ZBTB21: variants seen among roughly 807,000 people sequenced by gnomAD.
ZBTB21 encodes the protein zinc finger and BTB domain containing 21, also known as zinc finger and BTB domain-containing protein 21.
In ZBTB21, 10 loss-of-function variants were observed where a neutral mutation model predicts 39.8. The observed-to-expected ratio is 0.25, with a 90% CI of 0.16 to 0.43. The LOEUF (loss-of-function observed/expected upper bound fraction) is 0.43, where lower values mean the gene tolerates loss of function less well. Among genes scored for constraint, ZBTB21 ranks in the 20% least tolerant of loss-of-function variants. The pLI is 1.00. For missense variants in ZBTB21, 1,221 were observed against 1,296.3 expected, an observed-to-expected ratio of 0.94 and a Z score of 0.89; for synonymous variants, 551 against 498.8, an observed-to-expected ratio of 1.10 and a Z score of -1.40.
intron 2 of ZBTB21, among the ~76,000 whole-genome samples, chr21:41,995,596 G>C (rs573911926): frequency 1.3e-5 from 2 of 152,368 alleles, no homozygotes; most frequent in African/African-American, 4.8e-5. Context: ...CAGTGCGATA[G>C]AAAAGAAAAT....
Position 41,992,112 on chromosome 21 carries a change from A to AGTTCCTCTT in ZBTB21, c.1975_1983dup (p.Lys659_Asn661dup), listed in dbSNP as rs1453448351. ...TAAGCTCCTTTGGCTCGAGATCTCA[A>AGTTCCTCTT]GTTCCTCTTGATGACTTGCTGTGCT... On this transcript the variant is annotated inframe_insertion, in exon 3 of 3. Coordinates refer to ENST00000310826, the MANE Select transcript of ZBTB21 (RefSeq NM_001098402.2). The surrounding 1 kb of genome is among the most constrained non-coding windows in gnomAD (Gnocchi z 4.1). 6.2e-7 allele frequency: 1 copy of AGTTCCTCTT among 1,614,066 alleles called. No individual in the cohort carries two copies. Among genetic ancestry groups the AGTTCCTCTT allele is most frequent in the Non-Finnish European group, 8.5e-7 (1 of 1,179,998 alleles).
intron 1 of ZBTB21, chr21:42,007,736 T>A (rs1485903637): frequency 6.6e-6 from 1 of 152,246 alleles, no homozygotes; most frequent in African/African-American, 2.4e-5. Context: ...GTATCCCTGA[T>A]GCCCAGCACA....
intron 2 of ZBTB21, among the ~76,000 whole-genome samples, chr21:41,994,973 G>A (rs2065726848): frequency 6.6e-6 from 1 of 152,234 alleles, no homozygotes; most frequent in Non-Finnish European, 1.5e-5. Flanking sequence ...CATGTGAGAT[G>A]TGACTTGCTC....
intron 1 of ZBTB21, among the ~76,000 whole-genome samples, chr21:42,003,460 G>A (rs1400037555): frequency 1.3e-5 from 2 of 152,178 alleles, no homozygotes; most frequent in Non-Finnish European, 2.9e-5. Context: ...TGGCCAGGGT[G>A]TAGGAGGGTG....
chr21:42,002,396 G>A (rs1442814144), intron 2 of ZBTB21: 1 of 152,088 alleles, frequency 6.6e-6, no homozygotes, highest in Non-Finnish European at 1.5e-5. Flanking sequence ...AGTAAAAAGG[G>A]GGAAAATCAC....
At position 41,990,821 on chromosome 21, in the gene ZBTB21, G is replaced by A; in HGVS notation, c.*74C>T. 7.5e-7 allele frequency: 1 copy of A among 1,332,342 alleles called. No homozygotes were observed. The highest frequency in any genetic ancestry group is 2.6e-5 in the East Asian group (1 of 38,380). 82.5% of individuals were successfully genotyped at this position (1,332,342 alleles called of 1,614,324 possible). ...ATTATTCTTGTTTAAAAAATATTTT[G>A]TTTCTTATGACACATTTCACAATTC... On this transcript the variant is annotated 3_prime_UTR_variant, in exon 3 of 3. Transcript: ENST00000310826.
At chr21:42,007,653 C>T (rs1003443073) in intron 1 of ZBTB21, among the ~76,000 whole-genome samples, 2 of 152,196 alleles carry the variant, frequency 1.3e-5, no homozygotes, top group Non-Finnish European at 2.9e-5. Context: ...ACCACAACTT[C>T]TTCAATTAAT....
Position 41,993,015 on chromosome 21 carries a change from A to G in ZBTB21, c.1081T>C (p.Ser361Pro). Residue 361 changes from serine to proline, a missense_variant, in exon 3 of 3, where the codon TCT becomes CCT. By Grantham distance (74) the Ser-to-Pro change is moderately conservative. Around this residue, in one of 4 missense-constraint regions of ZBTB21, gnomAD observed 500 missense variants for 465.6 expected, o/e 1.07. Transcript: ENST00000310826. ...PVYSPSIDLKSSQGSSSVSSD... is the reference protein window; with the variant it reads ...PVYSPSIDLKPSQGSSSVSSD... ...GACACCGAAGATGATCCCTGGGAAGATTTCAAATCTATGGAAGGTGAATAG... is the reference window on the plus strand; with the variant it reads ...GACACCGAAGATGATCCCTGGGAAGGTTTCAAATCTATGGAAGGTGAATAG... The G allele has an allele frequency of 1.2e-6, 2 of 1,614,202 alleles. No individual in the cohort carries two copies. Among genetic ancestry groups the G allele is most frequent in the Non-Finnish European group, 1.7e-6 (2 of 1,180,036 alleles).
chr21:41,992,176 CCTTAA>C lies in ZBTB21; in HGVS notation c.1915_1919del (p.Leu639AlafsTer11), dbSNP rs1569103379. On this transcript the variant is annotated frameshift_variant, in exon 3 of 3. Coordinates refer to ENST00000310826, the MANE Select transcript of ZBTB21 (RefSeq NM_001098402.2). LOFTEE classifies it high-confidence loss of function. The surrounding 1 kb of genome is among the most constrained non-coding windows in gnomAD (Gnocchi z 4.1). ...GTCCCTGAAAACCAGGCTTGCCGCG[CCTTAA>C]CTTAATGATCAGGGCCTTCTTAATT... The C allele has an allele frequency of 3.1e-6, 5 of 1,614,176 alleles. No homozygotes were observed. Among genetic ancestry groups the C allele is most frequent in the Non-Finnish European group, 4.2e-6 (5 of 1,180,030 alleles).
At position 41,993,844 on chromosome 21, in the gene ZBTB21, T is replaced by C; in HGVS notation, c.252A>G (p.Leu84=). Residue 84 remains leucine, a synonymous_variant, in exon 3 of 3, where the codon TTA becomes TTG. Transcript: ENST00000310826. ...FCEPDAFDNV[L]NYIYSSSLFV... is the part of the protein sequence containing the mutation. ...ATAGAGAGGAAGAATAAATGTAGTT[T>C]AAAACATTATCAAAAGCATCTGGCT... is the stretch of plus-strand genomic sequence containing the variant. 6.2e-7 allele frequency: 1 copy of C among 1,614,130 alleles called. No homozygotes were observed. The highest frequency in any genetic ancestry group is 1.1e-5 in the South Asian group (1 of 91,056).
intron 2 of ZBTB21, among the ~76,000 whole-genome samples, chr21:42,001,522 A>G (rs2146323730): frequency 6.6e-6 from 1 of 152,362 alleles, no homozygotes; most frequent in Middle Eastern, 3.4e-3. Context: ...GGATGTTTGC[A>G]GAGGTAGAGA....
chr21:42,002,158 T>C (rs1213206968), intron 2 of ZBTB21, among the ~76,000 whole-genome samples: 1 of 152,318 alleles, frequency 6.6e-6, no homozygotes, highest in Admixed American at 6.5e-5. Flanking sequence ...GATGTCTAGA[T>C]AGGAGACAGG....
At chr21:42,005,159 A>C (rs1199559510) in intron 1 of ZBTB21, among the ~76,000 whole-genome samples, 5 of 152,122 alleles carry the variant, frequency 3.3e-5, no homozygotes, top group Non-Finnish European at 7.4e-5. Flanking sequence ...AGCAGAGCAG[A>C]CTCTGGTCAC....
chr21:42,009,397 G>C (rs895512456), intron 1 of ZBTB21: 1 of 152,290 alleles, frequency 6.6e-6, no homozygotes, highest in Non-Finnish European at 1.5e-5. Flanking sequence ...GAGATGTGGC[G>C]GGGCTGCCGC....
Position 41,993,620 on chromosome 21 carries a change from T to C in ZBTB21, c.476A>G (p.Gln159Arg). ...TTGATTTTGACTAACAGTTTTTCCT[T>C]GCGCTTCGTTTCTACTTTGACAAAC... ...VIVCQSRNEA[Q>R]GKTVSQNQPD... Residue 159 changes from glutamine to arginine, a missense_variant, in exon 3 of 3, where the codon CAA becomes CGA. Gln to Arg is a conservative substitution (Grantham distance 43). This residue lies in a region of ZBTB21 where 500 missense variants were observed against 465.6 expected (regional missense o/e 1.07). Coordinates refer to ENST00000310826, the MANE Select transcript of ZBTB21 (RefSeq NM_001098402.2). 1.2e-6 allele frequency: 2 copies of C among 1,614,258 alleles called. No homozygotes were observed. The highest frequency in any genetic ancestry group is 1.7e-5 in the Admixed American group (1 of 60,032).
In ZBTB21 at chr21:41,996,129, T is replaced by G. The variant is rs994174154; in HGVS notation, c.-13-2021A>C. The stretch of plus-strand genomic sequence containing the variant: ...GAAATGTGGGGTTGAAGCCCCCACA[T>G]AGAGTCCCCACTGGGGCACTGCCTA... On this transcript the variant is annotated intron_variant, in intron 2 of 2. Coordinates refer to ENST00000310826, the MANE Select transcript of ZBTB21 (RefSeq NM_001098402.2). 5.3e-5 allele frequency among the ~76,000 whole-genome samples: 8 copies of G among 152,138 alleles called. No homozygotes were observed. In the East Asian group the frequency reaches 1.5e-3, roughly 29 times the overall value.
chr21:42,004,052 T>C (rs1012890566), intron 1 of ZBTB21, among the ~76,000 whole-genome samples: 1 of 149,000 alleles, frequency 6.7e-6, no homozygotes, highest in African/African-American at 2.5e-5. Context: ...CAGGCTGGAG[T>C]GCAGTGGCAT....
Position 41,993,748 on chromosome 21 carries a change from G to A in ZBTB21, c.348C>T (p.Asn116=). The A allele has an allele frequency of 5.6e-6, 9 of 1,614,208 alleles. No individual in the cohort carries two copies. Among genetic ancestry groups the A allele is most frequent in the Non-Finnish European group, 7.6e-6 (9 of 1,180,042 alleles). ...GYSLGISFLT[N]IVSKTPQAPF... ...GGGCTTGAGGTGTTTTAGAAACGAT[G>A]TTAGTCAGAAAGGAAATCCCAAGAC... Residue 116 remains asparagine (N), a synonymous_variant, in exon 3 of 3, where the codon AAC becomes AAT. Coordinates refer to ENST00000310826, the MANE Select transcript of ZBTB21 (RefSeq NM_001098402.2).
At chr21:41,998,411 G>A (rs749811295) in intron 2 of ZBTB21, among the ~76,000 whole-genome samples, 1 of 151,918 alleles carries the variant, frequency 6.6e-6, no homozygotes, top group Admixed American at 6.6e-5. Context: ...GACTGGTCCC[G>A]AACTCCTGAC....
Sources: gnomAD v4.1 joint callset for allele counts (sites outside exome capture counted in the v4.1 genomes callset) on GRCh38, gnomAD v4.1.1 for gene constraint, gnomAD v4.1.1 regional missense constraint, Gnocchi (gnomAD v3.1) non-coding constraint, MANE v1.5 for transcripts, NCBI Gene and HGNC (gene_info 2026-07-23, HGNC 2026-07-21) for gene names.